NTRK2: variants seen among roughly 807,000 people sequenced by gnomAD.
NTRK2 encodes BDNF/NT-3 growth factors receptor.
NTRK2 carries 13 observed loss-of-function variants against 94.5 expected under a neutral mutation model. The ratio of observed to expected loss-of-function variants is 0.14; its 90% CI spans 0.09 to 0.22. The LOEUF (loss-of-function observed/expected upper bound fraction) is 0.22. Ranked by LOEUF, NTRK2 falls within the 10% of genes least tolerant of loss-of-function variation. The pLI is 1.00. For synonymous variants in NTRK2, 372 were observed against 407.4 expected, an observed-to-expected ratio of 0.91 and a Z score of 1.05; for missense variants, 639 against 1,071.2, an observed-to-expected ratio of 0.60 and a Z score of 5.63.
At chr9:84,691,102 A>G (rs1004482489) in intron 2 of NTRK2, among the ~76,000 whole-genome samples, 9 of 152,226 alleles carry the variant, frequency 5.9e-5, no homozygotes, top group South Asian at 2.1e-4. Flanking sequence ...TTTGTCCCCA[A>G]CTTCCTGGCA....
At chr9:84,867,178 TA>T in intron 13 of NTRK2, 64 bp from the exon 14 acceptor site, 1 of 1,495,646 alleles carries the variant, frequency 6.7e-7, no homozygotes, top group South Asian at 1.1e-5. Context: ...AAATTTTATG[TA>T]TGTGAATTAC....
At chr9:84,943,115 A>G (rs952346464) in intron 15 of NTRK2, among the ~76,000 whole-genome samples, 2 of 152,202 alleles carry the variant, frequency 1.3e-5, no homozygotes, top group East Asian at 1.9e-4. Flanking sequence ...CACTGTTTCT[A>G]TGATCTCTAA....
intron 14 of NTRK2, among the ~76,000 whole-genome samples, chr9:84,894,408 C>T (rs1254210695): frequency 6.6e-6 from 1 of 152,142 alleles, no homozygotes; most frequent in African/African-American, 2.4e-5. Flanking sequence ...CAAAGTTGAG[C>T]GACTCCTTTG....
chr9:84,858,964 C>T (rs1163888817), intron 12 of NTRK2, among the ~76,000 whole-genome samples: 1 of 152,162 alleles, frequency 6.6e-6, no homozygotes, highest in Non-Finnish European at 1.5e-5. Flanking sequence ...GTATCAGCCT[C>T]CCTGAATCTC....
chr9:84,867,296 A>G lies in NTRK2; in HGVS notation c.1498A>G (p.Ile500Val), dbSNP rs375893744. The G allele has an allele frequency of 2.5e-6, 4 of 1,613,982 alleles. No homozygotes were observed. Among genetic ancestry groups the G allele is most frequent in the Non-Finnish European group, 3.4e-6 (4 of 1,179,976 alleles). The change falls in exon 14 of 19, where the codon ATC becomes GTC. Residue 500 changes from isoleucine to valine, a missense_variant. Ile to Val is a conservative substitution (Grantham distance 29, BLOSUM62 3). Transcript: ENST00000277120. ...TGACTCTGCCAGCCCACTCCATCACATCTCCAATGGGAGTAACACTCCATC... is the reference window on the plus strand; with the variant it reads ...TGACTCTGCCAGCCCACTCCATCACGTCTCCAATGGGAGTAACACTCCATC... Reference protein sequence around the residue: ...DDDSASPLHHISNGSNTPSSS... With the variant: ...DDDSASPLHHVSNGSNTPSSS...
chr9:84,675,570 G>C (rs1778959), intron 2 of NTRK2, among the ~76,000 whole-genome samples: 5,632 of 151,982 alleles, frequency 0.037, 186 homozygotes, highest in Admixed American at 0.085. Context: ...ATTTTTAGTT[G>C]CTTCTGATGC....
chr9:85,001,782 A>G (rs1830366095), intron 17 of NTRK2, among the ~76,000 whole-genome samples: 1 of 152,252 alleles, frequency 6.6e-6, no homozygotes, highest in Admixed American at 6.5e-5. Flanking sequence ...CAGAAGTTGG[A>G]TCCAGCTGTG....
intron 12 of NTRK2, among the ~76,000 whole-genome samples, chr9:84,798,192 C>A (rs939516368): frequency 6.6e-6 from 1 of 151,820 alleles, no homozygotes; most frequent in Non-Finnish European, 1.5e-5. Flanking sequence ...GTGGAAGGAG[C>A]GCATGAGCTC....
intron 17 of NTRK2, among the ~76,000 whole-genome samples, chr9:85,004,051 AAG>A (rs1206193158): frequency 1.8e-3 from 150 of 82,024 alleles, no homozygotes; most frequent in African/African-American, 2.1e-3. Flanking sequence ...GAAAGGGAGA[AAG>A]AGAAAGAAAG....
intron 17 of NTRK2, among the ~76,000 whole-genome samples, chr9:85,004,381 AT>A (rs1166167206): frequency 6.6e-6 from 1 of 152,168 alleles, no homozygotes; most frequent in African/African-American, 2.4e-5. Context: ...CCAAAGACAA[AT>A]TCAGGGATAA....
intron 17 of NTRK2, among the ~76,000 whole-genome samples, chr9:85,009,718 G>C (rs10123600): frequency 0.72 from 109,979 of 152,038 alleles, 40,322 homozygotes; most frequent in Middle Eastern, 0.8. Context: ...CCTTCAAAAC[G>C]AAGATCACAA....
At chr9:84,988,737 A>G (rs889689051) in intron 17 of NTRK2, among the ~76,000 whole-genome samples, 2 of 152,222 alleles carry the variant, frequency 1.3e-5, no homozygotes, top group African/African-American at 2.4e-5. Context: ...ATGCCAGGCC[A>G]CTTGCCTGTG....
intron 17 of NTRK2, 152 bp from the exon 18 acceptor site, chr9:85,020,054 G>T (rs369533336): frequency 2.5e-6 from 2 of 792,938 alleles, no homozygotes; most frequent in Non-Finnish European, 4.4e-6. Flanking sequence ...TGTTGCTTGA[G>T]ACTGTGAAGA....
chr9:84,719,418 G>A (rs2061916190), intron 6 of NTRK2, among the ~76,000 whole-genome samples: 1 of 151,912 alleles, frequency 6.6e-6, no homozygotes, highest in African/African-American at 2.4e-5. Flanking sequence ...AATTATGTAA[G>A]CTTGAGTTTG....
At chr9:84,976,134 C>T (rs527801089) in intron 17 of NTRK2, among the ~76,000 whole-genome samples, 2 of 152,180 alleles carry the variant, frequency 1.3e-5, no homozygotes, top group Non-Finnish European at 2.9e-5. Context: ...CTGCCGTTAA[C>T]AATATGCCAT....
chr9:84,745,499 T>C (rs1229694298), intron 11 of NTRK2, among the ~76,000 whole-genome samples: 2 of 152,090 alleles, frequency 1.3e-5, no homozygotes, highest in Non-Finnish European at 2.9e-5. Context: ...AAAATTAAGA[T>C]TAGTTGTTTA....
intron 7 of NTRK2, 138 bp from the exon 8 acceptor site, chr9:84,724,086 C>T (rs1410565947): frequency 2.2e-6 from 2 of 896,480 alleles, no homozygotes; most frequent in Admixed American, 4.2e-5. Context: ...ACTTCTTCGC[C>T]TGAGCCCAGT....
chr9:84,835,623 C>G (rs895876371), intron 12 of NTRK2, among the ~76,000 whole-genome samples: 7 of 152,176 alleles, frequency 4.6e-5, no homozygotes, highest in Non-Finnish European at 7.4e-5. Context: ...CCCCTCCCCC[C>G]TTCTTTGTAA....
intron 17 of NTRK2, among the ~76,000 whole-genome samples, chr9:84,992,556 C>T (rs1488515825): frequency 2.6e-5 from 4 of 152,148 alleles, no homozygotes; most frequent in Non-Finnish European, 5.9e-5. Flanking sequence ...GGGTTCCACA[C>T]TGTGCCCATT....
Sources: allele counts gnomAD v4.1 joint callset (sites outside exome capture counted in the v4.1 genomes callset), GRCh38; gene constraint gnomAD v4.1.1; transcripts MANE v1.5; gene names NCBI Gene and HGNC (gene_info 2026-07-23, HGNC 2026-07-21).